The following UNC5C variants were observed in gnomAD, a reference collection of about 807,000 sequenced individuals.
The protein encoded by UNC5C is netrin receptor UNC5C.
In UNC5C, 47 loss-of-function variants were observed where a neutral mutation model predicts 99.8. That is an observed-to-expected ratio of 0.47 (90% confidence interval 0.37 to 0.60). UNC5C has a LOEUF of 0.60. Among genes scored for constraint, UNC5C ranks in the 20% least tolerant of loss-of-function variants. The pLI, the probability that UNC5C is intolerant of heterozygous loss-of-function variation, is 0.00. For synonymous variants in UNC5C, 487 were observed against 452.2 expected (o/e 1.08, Z -0.98); for missense variants, 1,062 against 1,165.9 (o/e 0.91, Z 1.30).
chr4:95,290,818 A>C (rs905661889), intron 3 of UNC5C, among the ~76,000 whole-genome samples: 1 of 152,208 alleles, frequency 6.6e-6, no homozygotes, highest in African/African-American at 2.4e-5. Flanking sequence ...GTTCTCTCTT[A>C]GGAATTTACC....
Position 95,335,564 on chromosome 4 carries a change from G to C in UNC5C, c.192C>G (p.Phe64Leu). Residue 64 changes from phenylalanine to leucine, a missense_variant, in exon 2 of 16, where the codon TTC (phenylalanine) becomes TTG (leucine). This residue lies in a region of UNC5C where 249 missense variants were observed against 295.1 expected (regional missense o/e 0.84). Coordinates refer to ENST00000453304, the MANE Select transcript of UNC5C (RefSeq NM_003728.4). The stretch of plus-strand genomic sequence containing the variant: ...TATAAGCTTCTTCAGGCTCAATAAG[G>C]AAATGTGGCAGAGGCTCAGGTGGAT... ...PSDPPEPLPH[F>L]LIEPEEAYIV... The C allele has an allele frequency of 1.9e-6, 3 of 1,612,302 alleles. No homozygotes were observed. Among genetic ancestry groups the C allele is most frequent in the Non-Finnish European group, 2.5e-6 (3 of 1,178,888 alleles).
intron 1 of UNC5C, among the ~76,000 whole-genome samples, chr4:95,438,452 A>G (rs1043161299): frequency 9.3e-4 from 3 of 3,212 alleles, no homozygotes; most frequent in Non-Finnish European, 5.8e-3. Context: ...AAAATATCAT[A>G]TAAATAAAAT....
intron 1 of UNC5C, among the ~76,000 whole-genome samples, chr4:95,519,170 T>G (rs1722287786): frequency 6.6e-6 from 1 of 152,124 alleles, no homozygotes; most frequent in African/African-American, 2.4e-5. Context: ...TTGAGTAGTC[T>G]GCTAAACTGC....
chr4:95,319,281 AG>A (rs1340982249), intron 2 of UNC5C, among the ~76,000 whole-genome samples: 1 of 152,182 alleles, frequency 6.6e-6, no homozygotes, highest in African/African-American at 2.4e-5. Context: ...TGTTTTCAAA[AG>A]TCCCCCCTGG....
chr4:95,259,220 C>T (rs1478848762), intron 4 of UNC5C, among the ~76,000 whole-genome samples: 3 of 151,972 alleles, frequency 2.0e-5, no homozygotes, highest in Non-Finnish European at 4.4e-5. Flanking sequence ...TCCTCATTTA[C>T]AAAATGAGGA....
intron 1 of UNC5C, among the ~76,000 whole-genome samples, chr4:95,501,905 T>C (rs1721785100): frequency 6.6e-6 from 1 of 152,166 alleles, no homozygotes; most frequent in South Asian, 2.1e-4. Context: ...CCTCTTATGT[T>C]GGAAATATTT....
At chr4:95,269,049 T>C (rs1008563812) in intron 4 of UNC5C, among the ~76,000 whole-genome samples, 1 of 152,240 alleles carries the variant, frequency 6.6e-6, no homozygotes, top group East Asian at 1.9e-4. Flanking sequence ...GGTTTGGAAG[T>C]GACAAATCTG....
chr4:95,336,480 C>T (rs1007370815), intron 1 of UNC5C, among the ~76,000 whole-genome samples: 3 of 151,752 alleles, frequency 2.0e-5, no homozygotes, highest in African/African-American at 4.8e-5. Flanking sequence ...TTTAAATGTA[C>T]GTATATTCAG....
At chr4:95,439,283 C>T (rs1299207293) in intron 1 of UNC5C, among the ~76,000 whole-genome samples, 4 of 151,702 alleles carry the variant, frequency 2.6e-5, no homozygotes, top group Admixed American at 1.3e-4. Flanking sequence ...GCACGGCTGG[C>T]GTGGATGATG....
chr4:95,192,520 C>T (rs1180676337), intron 12 of UNC5C, among the ~76,000 whole-genome samples: 1 of 144,166 alleles, frequency 6.9e-6, no homozygotes, highest in Admixed American at 7.0e-5. Flanking sequence ...CTGCTCACCT[C>T]CTCCCCTGCT....
At chr4:95,472,316 C>G (rs908270891) in intron 1 of UNC5C, among the ~76,000 whole-genome samples, 1 of 151,838 alleles carries the variant, frequency 6.6e-6, no homozygotes, top group Middle Eastern at 3.2e-3. Context: ...TTAAAGTGTC[C>G]AAAATATTCT....
At chr4:95,369,448 A>G (rs553521768) in intron 1 of UNC5C, among the ~76,000 whole-genome samples, 2 of 151,942 alleles carry the variant, frequency 1.3e-5, no homozygotes, top group East Asian at 3.9e-4. Flanking sequence ...GCTACTTGGG[A>G]GGCTGAGGTG....
intron 12 of UNC5C, among the ~76,000 whole-genome samples, chr4:95,186,225 A>C (rs1736823987): frequency 6.6e-6 from 1 of 152,180 alleles, no homozygotes; most frequent in South Asian, 2.1e-4. Context: ...ATAAGGGTCC[A>C]GGAATATATG....
intron 10 of UNC5C, among the ~76,000 whole-genome samples, chr4:95,213,238 T>G (rs1323259943): frequency 6.6e-6 from 1 of 152,240 alleles, no homozygotes; most frequent in Non-Finnish European, 1.5e-5. Flanking sequence ...ATATCTTCAA[T>G]TCCAATTGTT....
chr4:95,480,929 T>A (rs1323124704), intron 1 of UNC5C, among the ~76,000 whole-genome samples: 7 of 151,260 alleles, frequency 4.6e-5, no homozygotes, highest in Non-Finnish European at 8.8e-5. Context: ...ACTGGAAGCA[T>A]TCCCTTTGAA....
chr4:95,378,776 A>C (rs1744974961), intron 1 of UNC5C, among the ~76,000 whole-genome samples: 1 of 152,232 alleles, frequency 6.6e-6, no homozygotes, highest in Non-Finnish European at 1.5e-5. Flanking sequence ...AAAATTTTAC[A>C]CTAGTGACTT....
intron 1 of UNC5C, among the ~76,000 whole-genome samples, chr4:95,495,665 T>C (rs1217081897): frequency 6.6e-6 from 1 of 151,680 alleles, no homozygotes; most frequent in African/African-American, 2.4e-5. Context: ...GCAAGTTAAA[T>C]AACTGTCCAA....
chr4:95,211,432 G>A (rs1473870925), intron 10 of UNC5C, among the ~76,000 whole-genome samples: 1 of 152,226 alleles, frequency 6.6e-6, no homozygotes, highest in African/African-American at 2.4e-5. Context: ...TAAGCATTAT[G>A]CTTATCTACC....
intron 10 of UNC5C, among the ~76,000 whole-genome samples, chr4:95,213,551 T>C (rs1020097824): frequency 6.6e-6 from 1 of 152,204 alleles, no homozygotes; most frequent in African/African-American, 2.4e-5. Context: ...TATTCAGCAA[T>C]GATAAGACCC....
Sources: gnomAD v4.1 joint callset for allele counts (sites outside exome capture counted in the v4.1 genomes callset) on GRCh38, gnomAD v4.1.1 for gene constraint, gnomAD v4.1.1 regional missense constraint, MANE v1.5 for transcripts, NCBI Gene and HGNC (gene_info 2026-07-23, HGNC 2026-07-21) for gene names.